BRCA1: variants seen among roughly 807,000 people sequenced by gnomAD.
The protein encoded by BRCA1 is breast cancer type 1 susceptibility protein.
BRCA1 carries 140 observed loss-of-function variants against 173.7 expected under a neutral mutation model. The ratio of observed to expected loss-of-function variants is 0.81; its 90% CI spans 0.70 to 0.93. The LOEUF (loss-of-function observed/expected upper bound fraction) is 0.93, where lower values mean the gene tolerates loss of function less well. BRCA1 is among the 40% of genes least tolerant of loss of function. The pLI, the probability that BRCA1 is intolerant of heterozygous loss-of-function variation, is 0.00. For synonymous variants in BRCA1, 662 were observed against 756.0 expected (o/e 0.88, Z 2.04); for missense variants, 1,983 against 2,172.5 (o/e 0.91, Z 1.73).
intron 20 of BRCA1, among the ~76,000 whole-genome samples, chr17:43,049,603 A>C (rs1280960366): frequency 6.6e-6 from 1 of 152,210 alleles, no homozygotes; most frequent in Admixed American, 6.6e-5. Flanking sequence ...ACGGCCACTG[A>C]AAATACCATA....
At chr17:43,117,985 C>T (rs777558172) in intron 2 of BRCA1, among the ~76,000 whole-genome samples, 1 of 151,164 alleles carries the variant, frequency 6.6e-6, no homozygotes, top group Non-Finnish European at 1.5e-5. Flanking sequence ...ACAGTTGATA[C>T]GGAATTAAAG....
chr17:43,084,721 T>C (rs1019031113), intron 11 of BRCA1, among the ~76,000 whole-genome samples: 2 of 152,214 alleles, frequency 1.3e-5, no homozygotes, highest in African/African-American at 4.8e-5. Context: ...ACTCTAACAC[T>C]GCTTTGCTGC....
intron 10 of BRCA1, 172 bp downstream of exon 10, chr17:43,091,263 T>G: frequency 1.1e-6 from 1 of 916,132 alleles, no homozygotes; most frequent in South Asian, 1.4e-5. Flanking sequence ...GTCCTAGCTG[T>G]GTGAAGGACT....
intron 2 of BRCA1, among the ~76,000 whole-genome samples, chr17:43,118,037 G>C (rs1306050980): frequency 6.6e-6 from 1 of 152,002 alleles, no homozygotes; most frequent in Non-Finnish European, 1.5e-5. Flanking sequence ...AATTAAGCAG[G>C]GTAAGGGGAA....
At chr17:43,061,592 T>A (rs1276586450) in intron 18 of BRCA1, among the ~76,000 whole-genome samples, 3 of 151,976 alleles carry the variant, frequency 2.0e-5, no homozygotes, top group African/African-American at 7.3e-5. Context: ...TTACTTTTTT[T>A]TTTTTTTTAA....
Position 43,071,885 on chromosome 17 carries a change from G to A in BRCA1, c.4676-647C>T, listed in dbSNP as rs189602222. On this transcript the variant is annotated intron_variant, in intron 14 of 22. Coordinates refer to ENST00000357654, the MANE Select transcript of BRCA1 (RefSeq NM_007294.4). Reference sequence around the variant, plus strand: ...TAGCTGGGCGTGGTGGCGGGCGCCTGTAGTCCCGGCTACTAGGGAGGCTGA... The same window carrying A: ...TAGCTGGGCGTGGTGGCGGGCGCCTATAGTCCCGGCTACTAGGGAGGCTGA... Among the ~76,000 whole-genome samples, 102 of 151,666 alleles carry A rather than the reference G, an allele frequency of 6.7e-4. 1 individual carries two copies. In the Middle Eastern group the frequency reaches 0.014, roughly 20 times the overall value.
chr17:43,137,850 C>G (rs2056039915), intron 1 of BRCA1, among the ~76,000 whole-genome samples: 1 of 151,880 alleles, frequency 6.6e-6, no homozygotes, highest in South Asian at 2.1e-4. Flanking sequence ...GCACTCCAGC[C>G]TGGGTGACAG....
chr17:43,082,732 T>C, intron 11 of BRCA1, 157 bp from the exon 12 acceptor site: 1 of 770,522 alleles, frequency 1.3e-6, no homozygotes, highest in Admixed American at 2.3e-5. Context: ...CTAACCACAT[T>C]CATGCAATTA....
intron 12 of BRCA1, chr17:43,079,882 A>G: frequency 1.5e-6 from 1 of 653,740 alleles, no homozygotes; most frequent in Non-Finnish European, 2.7e-6. Flanking sequence ...TTCTTACTAC[A>G]ATGGGCCTCA....
At chr17:43,128,217 C>T, upstream of BRCA1, among the ~76,000 whole-genome samples, 1 of 152,104 alleles carries the variant, frequency 6.6e-6, no homozygotes, top group Admixed American at 6.6e-5. Flanking sequence ...AGCTTCACTC[C>T]TGAAGCCAGC....
intron 1 of BRCA1, among the ~76,000 whole-genome samples, chr17:43,140,778 C>G (rs1181874126): frequency 6.6e-6 from 1 of 152,166 alleles, no homozygotes; most frequent in Non-Finnish European, 1.5e-5. Flanking sequence ...CTAGTCAACT[C>G]TTTCCCAGCG....
At chr17:43,141,353 C>T (rs1296826652) in intron 1 of BRCA1, among the ~76,000 whole-genome samples, 2 of 152,118 alleles carry the variant, frequency 1.3e-5, no homozygotes, top group African/African-American at 4.8e-5. Flanking sequence ...CCTGTAGACC[C>T]CCAGCTACTC....
chr17:43,153,648 T>A (rs2154581629), intron 1 of BRCA1: 1 of 151,908 alleles, frequency 6.6e-6, no homozygotes, highest in Non-Finnish European at 1.5e-5. Context: ...TGCACCTAAA[T>A]AATAAAGATC....
intron 1 of BRCA1, among the ~76,000 whole-genome samples, chr17:43,145,866 GGTTA>G (rs925421532): frequency 1.3e-5 from 2 of 151,948 alleles, no homozygotes; most frequent in Admixed American, 1.3e-4. Flanking sequence ...CATAGATGGG[GGTTA>G]GTTTTTATAT....
chr17:43,142,408 T>A (rs2056081752), intron 1 of BRCA1: 1 of 152,314 alleles, frequency 6.6e-6, no homozygotes, highest in Non-Finnish European at 1.5e-5. Context: ...TTATTGACTC[T>A]TCAATGGCAA....
In BRCA1 at chr17:43,091,026, G is replaced by A. The variant is rs1385360559; in HGVS notation, c.4103C>T (p.Ala1368Val). 4.3e-6 allele frequency: 7 copies of A among 1,611,848 alleles called. No homozygotes were observed. The South Asian group carries it at 6.6e-5, about 15-fold the overall frequency. ...TGTTTCACTCTCACACCCAGATGCT[G>A]CTTCACCTTAAATAACAAAAACAGA... is the stretch of plus-strand genomic sequence containing the variant. ...EQSMDSNLGE[A>V]ASGCESETSV... is the part of the protein sequence containing the mutation. Residue 1368 changes from alanine (A) to valine (V), a missense_variant, in exon 11 of 23, where the codon GCA (alanine) becomes GTA (valine). By Grantham distance (64) the Ala-to-Val change is moderately conservative. Coordinates refer to ENST00000357654, the MANE Select transcript of BRCA1 (RefSeq NM_007294.4).
chr17:43,149,104 T>A (rs1010684020), intron 1 of BRCA1, among the ~76,000 whole-genome samples: 6 of 151,496 alleles, frequency 4.0e-5, no homozygotes, highest in East Asian at 3.9e-4. Flanking sequence ...CTTTTTTACT[T>A]TTTTTCCCCC....
chr17:43,074,023 C>T (rs898773068), intron 14 of BRCA1, among the ~76,000 whole-genome samples: 3 of 152,120 alleles, frequency 2.0e-5, no homozygotes, highest in African/African-American at 7.2e-5. Context: ...TCCTGGAGTA[C>T]TGGGATTACA....
intron 18 of BRCA1, among the ~76,000 whole-genome samples, chr17:43,057,913 G>T (rs950052996): frequency 6.6e-6 from 1 of 151,250 alleles, no homozygotes; most frequent in African/African-American, 2.4e-5. Context: ...CCAGCTACTC[G>T]GGAAGCTGAG....
Sources: gnomAD v4.1 joint callset for allele counts (sites outside exome capture counted in the v4.1 genomes callset) on GRCh38, gnomAD v4.1.1 for gene constraint, MANE v1.5 for transcripts, NCBI Gene and HGNC (gene_info 2026-07-23, HGNC 2026-07-21) for gene names.